TNFRSF6B: variants seen among roughly 807,000 people sequenced by gnomAD.
TNFRSF6B encodes tumor necrosis factor receptor superfamily member 6B.
In TNFRSF6B, 23 loss-of-function variants were observed where a neutral mutation model predicts 17.9. The ratio of observed to expected loss-of-function variants is 1.28; its 90% confidence interval spans 0.92 to 1.82. The LOEUF is 1.82. Among genes scored for constraint, TNFRSF6B ranks in the 40% most tolerant of loss-of-function variants. The pLI is 0.00. For synonymous variants in TNFRSF6B, 291 were observed against 195.8 expected, an observed-to-expected ratio of 1.49 and a Z score of -4.06; for missense variants, 555 against 437.2, an observed-to-expected ratio of 1.27 and a Z score of -2.40.
intron 2 of TNFRSF6B, 49 bp downstream of exon 2, chr20:63,697,571 G>A: frequency 3.4e-6 from 5 of 1,485,936 alleles, no homozygotes; most frequent in East Asian, 2.5e-5. Flanking sequence ...AGGCCCACTT[G>A]TGCCCTCACT....
chr20:63,696,723 C>T lies in TNFRSF6B; in HGVS notation c.-45C>T, dbSNP rs1568729231. The T allele has an allele frequency of 1.3e-6, 2 of 1,492,460 alleles. No individual in the cohort carries two copies. Among genetic ancestry groups the T allele is most frequent in the Admixed American group, 2.2e-5 (1 of 45,242 alleles). The allele number at this position is 1,492,460 out of a possible 1,614,324, so 92.5% of individuals were successfully genotyped here. A position where few individuals can be genotyped will look rare whatever the true frequency, so the allele number is the denominator to read the frequency against. ...GCATGTCGGTCAGGCACAGCAGGGT[C>T]CTGTGTCCGCGCTGAGCCGCGCTCT... On this transcript the variant is annotated 5_prime_UTR_variant, in exon 1 of 3. Transcript: ENST00000369996.
chr20:63,697,230 G>A (rs1202956180), intron 1 of TNFRSF6B, 39 bp downstream of exon 1: 10 of 1,551,420 alleles, frequency 6.4e-6, no homozygotes, highest in Non-Finnish European at 8.7e-6. Flanking sequence ...CAGGAGTGGT[G>A]GCCGGAGGTG....
At position 63,698,279 on chromosome 20, in the gene TNFRSF6B, G is replaced by C; in HGVS notation, c.620-1G>C. ...ACCGCTGCCTCCCCACCCCACTGCA[G>C]GAGCTGAGGAGTGTGAGCGTGCCGT... On this transcript the variant is annotated splice_acceptor_variant, in intron 2 of 2. Coordinates refer to ENST00000369996, the MANE Select transcript of TNFRSF6B (RefSeq NM_003823.4). LOFTEE classifies it high-confidence loss of function. 6.2e-7 allele frequency: 1 copy of C among 1,610,344 alleles called. No individual in the cohort carries two copies. The highest frequency in any genetic ancestry group is 8.5e-7 in the Non-Finnish European group (1 of 1,178,968).
In TNFRSF6B at chr20:63,698,264, C is replaced by G. The variant is rs2091028576; in HGVS notation, c.620-16C>G. 6.2e-7 allele frequency: 1 copy of G among 1,608,662 alleles called. No homozygotes were observed. The highest frequency in any genetic ancestry group is 1.3e-5 in the African/African-American group (1 of 74,328). Reference sequence around the variant, plus strand: ...GGGTGAAATGATCGGACCGCTGCCTCCCCACCCCACTGCAGGAGCTGAGGA... The same window carrying G: ...GGGTGAAATGATCGGACCGCTGCCTGCCCACCCCACTGCAGGAGCTGAGGA... On this transcript the variant is annotated splice_polypyrimidine_tract_variant and intron_variant, in intron 2 of 2. Transcript: ENST00000369996.
chr20:63,697,497 C>T lies in TNFRSF6B; in HGVS notation c.594C>T (p.Gly198=). 1.3e-6 allele frequency: 2 copies of T among 1,558,612 alleles called. No individual in the cohort carries two copies. Among genetic ancestry groups the T allele is most frequent in the Non-Finnish European group, 1.7e-6 (2 of 1,150,668 alleles). ...ACACCCTGTGCACCAGCTGCACTGG[C>T]TTCCCCCTCAGCACCAGGGTACCAG... ...SHDTLCTSCT[G]FPLSTRVPGA... The change falls in exon 2 of 3, where the codon GGC becomes GGT. Residue 198 remains glycine, a synonymous_variant. Transcript: ENST00000369996.
At chr20:63,698,251 C>G (rs369505171) in intron 2 of TNFRSF6B, 29 bp from the exon 3 acceptor site, 1 of 1,605,212 alleles carries the variant, frequency 6.2e-7, no homozygotes, top group South Asian at 1.1e-5. Context: ...GTGAAATGAT[C>G]GGACCGCTGC....
intron 1 of TNFRSF6B, 49 bp from the exon 2 acceptor site, chr20:63,697,279 G>A (rs750982502): frequency 1.9e-6 from 3 of 1,576,728 alleles, no homozygotes; most frequent in Admixed American, 1.9e-5. Flanking sequence ...CTTGCACCCT[G>A]AGCTAGGACA....
Position 63,697,412 on chromosome 20 carries a change from C to G in TNFRSF6B, c.509C>G (p.Pro170Arg). The G allele has an allele frequency of 1.9e-6, 3 of 1,610,894 alleles. No individual in the cohort carries two copies. The highest frequency in any genetic ancestry group is 2.5e-6 in the Non-Finnish European group (3 of 1,179,284). ...ASSSSSEQCQ[P>R]HRNCTALGLA... ...AGCTCCAGCTCAGAGCAGTGCCAGC[C>G]CCACCGCAACTGCACGGCCCTGGGC... is the stretch of plus-strand genomic sequence containing the variant. The change falls in exon 2 of 3, where the codon CCC becomes CGC. Residue 170 changes from proline to arginine, a missense_variant. By Grantham distance (103) the Pro-to-Arg change is moderately radical. Transcript: ENST00000369996.
chr20:63,697,331 C>T lies in TNFRSF6B; in HGVS notation c.428C>T (p.Thr143Ile). 2 of 1,603,358 alleles carry T rather than the reference C, an allele frequency of 1.2e-6. No homozygotes were observed. Among genetic ancestry groups the T allele is most frequent in the Non-Finnish European group, 1.7e-6 (2 of 1,177,030 alleles). The change falls in exon 2 of 3, where the codon ACC becomes ATC. Residue 143 changes from threonine (T) to isoleucine (I), a missense_variant. Coordinates refer to ENST00000369996, the MANE Select transcript of TNFRSF6B (RefSeq NM_003823.4). ...TGTTCTTCCCTCCTGGCTGCAGGCA[C>T]CCCCAGCCAGAACACGCAGTGCCAG... ...PPGAGVIAPG[T>I]PSQNTQCQPC... is the part of the protein sequence containing the mutation.
rs780083705 is a variant in TNFRSF6B at position 63,697,467 on chromosome 20, C to T, written c.564C>T (p.Ser188=). The T allele has an allele frequency of 5.0e-6, 8 of 1,587,496 alleles. No individual in the cohort carries two copies. Among genetic ancestry groups the T allele is most frequent in the East Asian group, 2.3e-5 (1 of 43,138 alleles). Residue 188 remains serine (S), a synonymous_variant, in exon 2 of 3, where the codon TCC becomes TCT. Coordinates refer to ENST00000369996, the MANE Select transcript of TNFRSF6B (RefSeq NM_003823.4). ...GLALNVPGSS[S]HDTLCTSCTG... is the part of the protein sequence containing the mutation. The stretch of plus-strand genomic sequence containing the variant: ...CCCTCAATGTGCCAGGCTCTTCCTC[C>T]CATGACACCCTGTGCACCAGCTGCA...
chr20:63,697,098 C>A lies in TNFRSF6B; in HGVS notation c.331C>A (p.Arg111Ser). ...ACGGGCTTGCCACGCCACCCACAAC[C>A]GTGCCTGCCGCTGCCGCACCGGCTT... ...EARACHATHN[R>S]ACRCRTGFFA... The change falls in exon 1 of 3, where the codon CGT (arginine) becomes AGT (serine). Residue 111 changes from arginine (R) to serine (S), a missense_variant. Arg to Ser is a moderately radical substitution (Grantham distance 110). Transcript: ENST00000369996. 6.3e-7 allele frequency: 1 copy of A among 1,598,882 alleles called. No individual in the cohort carries two copies. The highest frequency in any genetic ancestry group is 8.5e-7 in the Non-Finnish European group (1 of 1,176,128).
At chr20:63,697,621 T>C in intron 2 of TNFRSF6B, 99 bp downstream of exon 2, 2 of 1,316,224 alleles carry the variant, frequency 1.5e-6, no homozygotes, top group Non-Finnish European at 2.0e-6. Context: ...GCATGCCAGC[T>C]GGCTCTGGGA....
rs767910637 is a variant in TNFRSF6B at position 63,698,383 on chromosome 20, CTGGGGTCCGACA to C, written c.724_735del (p.Trp242_Thr245del). The C allele has an allele frequency of 8.1e-6, 13 of 1,605,958 alleles. No homozygotes were observed. Among genetic ancestry groups the C allele is most frequent in the Non-Finnish European group, 1.1e-5 (13 of 1,177,568 alleles). ...TGCAGGCCCTCGAGGCCCCGGAGGG[CTGGGGTCCGACA>C]CCAAGGGCGGGCCGCGCGGCCTTGC... On this transcript the variant is annotated inframe_deletion, in exon 3 of 3. Coordinates refer to ENST00000369996, the MANE Select transcript of TNFRSF6B (RefSeq NM_003823.4).
At position 63,698,432 on chromosome 20, in the gene TNFRSF6B, C is replaced by T. The variant is rs570762078; in HGVS notation, c.772C>T (p.Arg258Cys). The change falls in exon 3 of 3, where the codon CGT (arginine) becomes TGT (cysteine). Residue 258 changes from arginine to cysteine, a missense_variant. Arg to Cys is a radical substitution (Grantham distance 180). Coordinates refer to ENST00000369996, the MANE Select transcript of TNFRSF6B (RefSeq NM_003823.4). ...AGRAALQLKL[R>C]RRLTELLGAQ... ...CCGCGCGGCCTTGCAGCTGAAGCTG[C>T]GTCGGCGGCTCACGGAGCTCCTGGG... is the stretch of plus-strand genomic sequence containing the variant. 7.2e-5 allele frequency: 113 copies of T among 1,574,312 alleles called. No homozygotes were observed. Among genetic ancestry groups the T allele is most frequent in the South Asian group, 4.1e-4 (36 of 86,854 alleles).
intron 1 of TNFRSF6B, 47 bp from the exon 2 acceptor site, chr20:63,697,281 G>A (rs758670437): frequency 5.7e-6 from 9 of 1,579,778 alleles, no homozygotes; most frequent in Non-Finnish European, 7.7e-6. Flanking sequence ...TGCACCCTGA[G>A]CTAGGACACC....
chr20:63,697,950 A>G (rs904505410), intron 2 of TNFRSF6B, among the ~76,000 whole-genome samples: 3 of 152,134 alleles, frequency 2.0e-5, no homozygotes, highest in Non-Finnish European at 4.4e-5. Context: ...CTTAACATCA[A>G]GTCAGGTCCG....
At position 63,698,454 on chromosome 20, in the gene TNFRSF6B, T is replaced by TG; in HGVS notation, c.799dup (p.Ala267GlyfsTer28). On this transcript the variant is annotated frameshift_variant, in exon 3 of 3. Coordinates refer to ENST00000369996, the MANE Select transcript of TNFRSF6B (RefSeq NM_003823.4). LOFTEE classifies it low-confidence loss of function (END_TRUNC). ...CTGCGTCGGCGGCTCACGGAGCTCC[T>TG]GGGGGCGCAGGACGGGGCGCTGCTG... The TG allele has an allele frequency of 1.9e-6, 3 of 1,565,524 alleles. No individual in the cohort carries two copies. The highest frequency in any genetic ancestry group is 2.0e-5 in the Admixed American group (1 of 50,298).
intron 2 of TNFRSF6B, among the ~76,000 whole-genome samples, chr20:63,697,804 C>T (rs1271439941): frequency 2.0e-5 from 3 of 152,180 alleles, no homozygotes; most frequent in Non-Finnish European, 4.4e-5. Flanking sequence ...GTGGCTGGCT[C>T]CTCTGACACG....
At position 63,698,324 on chromosome 20, in the gene TNFRSF6B, C is replaced by G; in HGVS notation, c.664C>G (p.Gln222Glu). The G allele has an allele frequency of 1.2e-6, 2 of 1,611,596 alleles. No individual in the cohort carries two copies. The highest frequency in any genetic ancestry group is 2.2e-5 in the South Asian group (2 of 91,054). Residue 222 changes from glutamine (Q) to glutamate (E), a missense_variant, in exon 3 of 3, where the codon CAG (glutamine) becomes GAG (glutamate). Transcript: ENST00000369996. Reference sequence around the variant, plus strand: ...TGCCGTCATCGACTTTGTGGCTTTCCAGGACATCTCCATCAAGAGGCTGCA... The same window carrying G: ...TGCCGTCATCGACTTTGTGGCTTTCGAGGACATCTCCATCAAGAGGCTGCA... Reference protein sequence around the residue: ...ERAVIDFVAFQDISIKRLQRL... With the variant: ...ERAVIDFVAFEDISIKRLQRL...
Sources: gnomAD v4.1 joint callset for allele counts (sites outside exome capture counted in the v4.1 genomes callset) on GRCh38, gnomAD v4.1.1 for gene constraint, MANE v1.5 for transcripts, NCBI Gene and HGNC (gene_info 2026-07-23, HGNC 2026-07-21) for gene names.